Variants in SESTD1 observed in about 807,000 individuals in gnomAD.
The protein encoded by SESTD1 is SEC14 and spectrin domain containing 1.
Under a neutral mutation model 101.7 loss-of-function variants are expected in SESTD1, and 43 were observed. The observed-to-expected ratio is 0.42, with a 90% CI of 0.33 to 0.55. The LOEUF (loss-of-function observed/expected upper bound fraction) is 0.55. Ranked by LOEUF, SESTD1 falls within the 20% of genes least tolerant of loss-of-function variation. The pLI is 0.07. For synonymous variants in SESTD1, 283 were observed against 286.8 expected, an observed-to-expected ratio of 0.99 and a Z score of 0.13; for missense variants, 647 against 815.1, an observed-to-expected ratio of 0.79 and a Z score of 2.51.
chr2:179,133,917 A>T (rs1484716228), intron 9 of SESTD1, among the ~76,000 whole-genome samples: 2 of 152,072 alleles, frequency 1.3e-5, no homozygotes, highest in Admixed American at 1.3e-4. Context: ...AAAATCAAGC[A>T]CAAAAAAATA....
chr2:179,147,761 G>A (rs572311811), intron 7 of SESTD1, among the ~76,000 whole-genome samples: 13 of 152,272 alleles, frequency 8.5e-5, no homozygotes, highest in African/African-American at 3.1e-4. Flanking sequence ...CTCAAAGAGG[G>A]AAATACAGTC....
intron 2 of SESTD1, among the ~76,000 whole-genome samples, chr2:179,185,784 A>ATAATATAGCATATACAATATG (rs1559134435): frequency 3.3e-5 from 4 of 120,696 alleles, no homozygotes; most frequent in Admixed American, 2.0e-4. Flanking sequence ...TATACAATAT[A>ATAATATAGCATATACAATATG]GTATACAATA....
intron 9 of SESTD1, among the ~76,000 whole-genome samples, chr2:179,139,788 C>T (rs1350821148): frequency 6.6e-6 from 1 of 152,126 alleles, no homozygotes; most frequent in Non-Finnish European, 1.5e-5. Context: ...AATCAACAAC[C>T]CCAATTTTCC....
chr2:179,170,353 T>A (rs2045910094), intron 5 of SESTD1, among the ~76,000 whole-genome samples: 1 of 152,108 alleles, frequency 6.6e-6, no homozygotes, highest in Non-Finnish European at 1.5e-5. Flanking sequence ...CTATACAAAA[T>A]ACATAAAAAA....
chr2:179,183,294 A>G (rs964860535), intron 2 of SESTD1, 106 bp from the exon 3 acceptor site: 14 of 637,902 alleles, frequency 2.2e-5, no homozygotes, highest in Middle Eastern at 4.2e-4. Context: ...AGTTTAAGAT[A>G]TAATTTGGAA....
chr2:179,170,199 A>T (rs1262821290), intron 5 of SESTD1, among the ~76,000 whole-genome samples: 1 of 151,492 alleles, frequency 6.6e-6, no homozygotes, highest in Non-Finnish European at 1.5e-5. Flanking sequence ...TCCACCTGTG[A>T]AATCAGAAAG....
intron 9 of SESTD1, among the ~76,000 whole-genome samples, chr2:179,140,335 G>A (rs1575437194): frequency 1.3e-5 from 2 of 152,174 alleles, no homozygotes; most frequent in South Asian, 4.2e-4. Flanking sequence ...AAGGTCTTTA[G>A]GGTGGGCCCA....
At chr2:179,230,106 T>A (rs2046961407) in intron 1 of SESTD1, among the ~76,000 whole-genome samples, 1 of 139,996 alleles carries the variant, frequency 7.1e-6, no homozygotes, top group Admixed American at 7.5e-5. Flanking sequence ...CAAACTGGAT[T>A]GTATCTCTTT....
chr2:179,244,893 A>G (rs2047207392), intron 1 of SESTD1, among the ~76,000 whole-genome samples: 1 of 152,212 alleles, frequency 6.6e-6, no homozygotes, highest in African/African-American at 2.4e-5. Context: ...CAAATGGGGT[A>G]AAGAGCCATA....
At chr2:179,169,499 T>C (rs1429638408) in intron 5 of SESTD1, among the ~76,000 whole-genome samples, 1 of 151,466 alleles carries the variant, frequency 6.6e-6, no homozygotes, top group Non-Finnish European at 1.5e-5. Context: ...CAGTTGGAGG[T>C]TGCAATATTC....
chr2:179,156,436 T>G (rs2045632694), intron 5 of SESTD1, among the ~76,000 whole-genome samples: 1 of 152,214 alleles, frequency 6.6e-6, no homozygotes, highest in South Asian at 2.1e-4. Flanking sequence ...GCTGTACTAG[T>G]TTACATTCCC....
At chr2:179,118,536 T>C (rs902145631) in intron 13 of SESTD1, among the ~76,000 whole-genome samples, 2 of 151,944 alleles carry the variant, frequency 1.3e-5, no homozygotes, top group African/African-American at 4.8e-5. Flanking sequence ...AATATAGAAG[T>C]AGGTATCACA....
At position 179,104,874 on chromosome 2, in the gene SESTD1, T is replaced by C. The variant is rs1043962033; in HGVS notation, c.*5025A>G. 3 of 152,176 alleles carry C rather than the reference T, an allele frequency of 2.0e-5. No homozygotes were observed. Among genetic ancestry groups the C allele is most frequent in the African/African-American group, 7.2e-5 (3 of 41,446 alleles). 9.4% of individuals were successfully genotyped at this position (152,176 alleles called of 1,614,324 possible). ...TGTCTTTTGATCTCTAAGTTCTTCA[T>C]GTTCTAGTACAGGTTCTGCTTTTTC... On this transcript the variant is annotated 3_prime_UTR_variant, in exon 18 of 18. Coordinates refer to ENST00000428443, the MANE Select transcript of SESTD1 (RefSeq NM_178123.5).
At chr2:179,166,270 A>G (rs1370744447) in intron 5 of SESTD1, among the ~76,000 whole-genome samples, 1 of 152,132 alleles carries the variant, frequency 6.6e-6, no homozygotes, top group East Asian at 1.9e-4. Flanking sequence ...GATTTGAAAA[A>G]GCCTCTCTTG....
chr2:179,237,473 A>G (rs2047085539), intron 1 of SESTD1, among the ~76,000 whole-genome samples: 1 of 152,186 alleles, frequency 6.6e-6, no homozygotes, highest in African/African-American at 2.4e-5. Context: ...TATTAAAAAC[A>G]TGTGCTTTAC....
At chr2:179,187,241 T>C (rs574876988) in intron 2 of SESTD1, among the ~76,000 whole-genome samples, 2 of 152,222 alleles carry the variant, frequency 1.3e-5, no homozygotes, top group African/African-American at 2.4e-5. Flanking sequence ...AACTTCAAAA[T>C]AGGATTATAA....
At position 179,149,544 on chromosome 2, in the gene SESTD1, T is replaced by G. The variant is rs976958141; in HGVS notation, c.484-150A>C. ...CAATTCTACCACCAGAGCACAACAATGTACCCAAGAGAAGACAAAACTGTT... is the reference window on the plus strand; with the variant it reads ...CAATTCTACCACCAGAGCACAACAAGGTACCCAAGAGAAGACAAAACTGTT... On this transcript the variant is annotated intron_variant, in intron 6 of 17. Transcript: ENST00000428443. The G allele has an allele frequency of 5.8e-6, 3 of 515,864 alleles. No individual in the cohort carries two copies. The East Asian group carries it at 1.0e-4, about 18-fold the overall frequency. 32.0% of individuals were successfully genotyped at this position (515,864 alleles called of 1,614,324 possible).
intron 17 of SESTD1, 43 bp from the exon 18 acceptor site, chr2:179,110,071 T>C (rs747677533): frequency 4.1e-5 from 66 of 1,602,188 alleles, no homozygotes; most frequent in Non-Finnish European, 5.0e-5. Context: ...TTAATACAAA[T>C]CTATTAACTG....
Position 179,108,404 on chromosome 2 carries a change from A to G in SESTD1, c.*1495T>C, listed in dbSNP as rs2044432667. ...GTAAGGGATTCAGACGGAGAAAAAA[A>G]CCATTCAGTTTGGTAACTGGGAGGC... is the stretch of plus-strand genomic sequence containing the variant. On this transcript the variant is annotated 3_prime_UTR_variant, in exon 18 of 18. Transcript: ENST00000428443. 1 of 152,306 alleles carries G rather than the reference A, an allele frequency of 6.6e-6. No homozygotes were observed. Among genetic ancestry groups the G allele is most frequent in the Non-Finnish European group, 1.5e-5 (1 of 68,124 alleles). The allele number at this position is 152,306 out of a possible 1,614,324, so 9.4% of individuals were successfully genotyped here.
Sources: gnomAD v4.1 joint callset for allele counts (sites outside exome capture counted in the v4.1 genomes callset) on GRCh38, gnomAD v4.1.1 for gene constraint, MANE v1.5 for transcripts, NCBI Gene and HGNC (gene_info 2026-07-23, HGNC 2026-07-21) for gene names.